The following NFYC variants were observed in gnomAD, a reference collection of about 807,000 sequenced individuals.
The protein encoded by NFYC is CAAT box DNA-binding protein subunit C.
Under a neutral mutation model 53.1 loss-of-function variants are expected in NFYC, and 25 were observed. That is an observed-to-expected ratio of 0.47 (90% confidence interval 0.34 to 0.66). NFYC has a LOEUF of 0.66. Ranked by LOEUF, NFYC falls within the 30% of genes least tolerant of loss-of-function variation. NFYC has a pLI of 0.01. For synonymous variants in NFYC, 145 were observed against 152.6 expected (o/e 0.95, Z 0.37); for missense variants, 260 against 422.7 (o/e 0.62, Z 3.38).
intron 1 of NFYC, among the ~76,000 whole-genome samples, chr1:40,701,259 G>A (rs1394917546): frequency 6.6e-6 from 1 of 152,046 alleles, no homozygotes; most frequent in Admixed American, 6.6e-5. Flanking sequence ...GGGATTACAG[G>A]TGCCTGCCAC....
chr1:40,712,658 C>CCTT (rs1643971274), intron 1 of NFYC: 1 of 71,026 alleles, frequency 1.4e-5, no homozygotes, highest in Non-Finnish European at 2.4e-5. Context: ...GGATTAATGC[C>CCTT]TTTTTTTTTT....
intron 1 of NFYC, among the ~76,000 whole-genome samples, chr1:40,707,106 G>A (rs1643729085): frequency 1.3e-5 from 2 of 151,692 alleles, no homozygotes; most frequent in African/African-American, 4.8e-5. Flanking sequence ...GGAGGCAGAG[G>A]TTGCTGCGAG....
intron 1 of NFYC, among the ~76,000 whole-genome samples, chr1:40,719,060 C>T (rs1366658101): frequency 6.6e-6 from 1 of 152,038 alleles, no homozygotes; most frequent in African/African-American, 2.4e-5. Context: ...TTAGTAGAGA[C>T]GGGGTTTCAC....
At position 40,706,036 on chromosome 1, in the gene NFYC, A is replaced by G. The variant is rs1026284044; in HGVS notation, c.-9+14169A>G. Among the ~76,000 whole-genome samples, 4 of 152,168 alleles carry G rather than the reference A, an allele frequency of 2.6e-5. No individual in the cohort carries two copies. In the East Asian group the frequency reaches 7.7e-4, roughly 29 times the overall value. ...GCTGGGATTACAGGTGTGAGCCAAC[A>G]CGCCTGGCCCAGATTTTTAATTTTT... On this transcript the variant is annotated intron_variant, in intron 1 of 9. Coordinates refer to ENST00000447388, the MANE Select transcript of NFYC (RefSeq NM_014223.5).
At chr1:40,699,217 GA>G (rs1643312121) in intron 1 of NFYC, among the ~76,000 whole-genome samples, 1 of 152,074 alleles carries the variant, frequency 6.6e-6, no homozygotes, top group African/African-American at 2.4e-5. Context: ...CATAGGAAAT[GA>G]TGTTAGAGTA....
At chr1:40,744,528 A>C (rs1472334553) in intron 2 of NFYC, among the ~76,000 whole-genome samples, 1 of 152,174 alleles carries the variant, frequency 6.6e-6, no homozygotes, top group Non-Finnish European at 1.5e-5. Flanking sequence ...AGATCTGTTG[A>C]CTTTTCTTTG....
At position 40,698,331 on chromosome 1, in the gene NFYC, C is replaced by T. The variant is rs530877506; in HGVS notation, c.-9+6464C>T. On this transcript the variant is annotated intron_variant, in intron 1 of 9. Coordinates refer to ENST00000447388, the MANE Select transcript of NFYC (RefSeq NM_014223.5). The stretch of plus-strand genomic sequence containing the variant: ...GAGCTGAGATCATGCCCCTGCACTC[C>T]AGCCTGGGTGACAGAACGGGATTCC... Among the ~76,000 whole-genome samples the T allele has an allele frequency of 4.6e-5, 7 of 151,208 alleles. No individual in the cohort carries two copies. In the South Asian group the frequency reaches 1.5e-3, roughly 32 times the overall value.
intron 8 of NFYC, chr1:40,769,152 G>C (rs990002838): frequency 1.9e-5 from 11 of 577,930 alleles, no homozygotes; most frequent in Non-Finnish European, 2.6e-5. Flanking sequence ...CAGGATTCTC[G>C]ATGTCACTTT....
chr1:40,756,630 C>T (rs1426941791), intron 5 of NFYC, among the ~76,000 whole-genome samples: 1 of 152,194 alleles, frequency 6.6e-6, no homozygotes, highest in Non-Finnish European at 1.5e-5. Context: ...CTTCCTCACA[C>T]TGTGGCCACA....
At chr1:40,747,985 G>A (rs1008692508) in intron 3 of NFYC, among the ~76,000 whole-genome samples, 5 of 151,906 alleles carry the variant, frequency 3.3e-5, no homozygotes, top group East Asian at 3.9e-4. Flanking sequence ...ACAGGCGCCC[G>A]CCACCACACC....
Position 40,766,566 on chromosome 1 carries a change from A to G in NFYC, c.721-30A>G, listed in dbSNP as rs1369849468. 5 of 1,535,126 alleles carry G rather than the reference A, an allele frequency of 3.3e-6. No homozygotes were observed. The South Asian group carries it at 3.5e-5, about 11-fold the overall frequency. On this transcript the variant is annotated intron_variant, in intron 7 of 9. Transcript: ENST00000447388. ...TGTTTGAGATTATACTCAATGTCTT[A>G]TGGTCTCTTTGTCTCTGCCCCTGCC...
chr1:40,769,286 T>C, intron 8 of NFYC, 70 bp from the exon 9 acceptor site: 1 of 1,497,516 alleles, frequency 6.7e-7, no homozygotes, highest in Admixed American at 1.7e-5. Flanking sequence ...TATGACCCTC[T>C]TTTGGGTGGT....
chr1:40,709,447 G>A (rs951281430), intron 1 of NFYC: 1 of 152,252 alleles, frequency 6.6e-6, no homozygotes, highest in Non-Finnish European at 1.5e-5. Flanking sequence ...TGGGGGGTGG[G>A]AGGACAGCTG....
chr1:40,751,578 T>TTTG (rs1018466245), intron 4 of NFYC, among the ~76,000 whole-genome samples: 4 of 151,936 alleles, frequency 2.6e-5, no homozygotes, highest in Non-Finnish European at 5.9e-5. Flanking sequence ...GCTTAAAATT[T>TTTG]TTGTTGTTGT....
At chr1:40,702,317 C>G (rs1429845748) in intron 1 of NFYC, among the ~76,000 whole-genome samples, 1 of 138,582 alleles carries the variant, frequency 7.2e-6, no homozygotes, top group African/African-American at 2.7e-5. Context: ...GTTTCTGGGC[C>G]TTTTTTGGGG....
chr1:40,759,579 GTGTGTGTGTATTATA>G (rs1646429864), intron 6 of NFYC, among the ~76,000 whole-genome samples: 1 of 124,212 alleles, frequency 8.1e-6, no homozygotes, highest in Non-Finnish European at 1.8e-5. Context: ...GTGTGTGTAT[GTGTGTGTGTATTATA>G]TATGTGTGTA....
intron 2 of NFYC, among the ~76,000 whole-genome samples, chr1:40,739,922 G>GT (rs1296552868): frequency 6.6e-6 from 1 of 152,194 alleles, no homozygotes; most frequent in African/African-American, 2.4e-5. Context: ...AGAGGACCTT[G>GT]TAGTTAGGGG....
rs768903978 is a variant in NFYC at position 40,753,160 on chromosome 1, A to G, written c.301A>G (p.Ile101Val). The G allele has an allele frequency of 6.2e-7, 1 of 1,611,872 alleles. No homozygotes were observed. Among genetic ancestry groups the G allele is most frequent in the East Asian group, 2.2e-5 (1 of 44,870 alleles). The change falls in exon 5 of 10, where the codon ATC becomes GTC. Residue 101 changes from isoleucine to valine, a missense_variant. Physicochemically the swap from Ile to Val is conservative, Grantham distance 29. Transcript: ENST00000447388. ...CTCTTCTTTGTTACAGAGAAATGAT[A>G]TCGCCATGGCAATTACAAAATTTGA... ...NKRRTLQRND[I>V]AMAITKFDQF... is the part of the protein sequence containing the mutation.
intron 1 of NFYC, among the ~76,000 whole-genome samples, chr1:40,710,834 G>C (rs1484568965): frequency 6.6e-6 from 1 of 152,162 alleles, no homozygotes; most frequent in African/African-American, 2.4e-5. Context: ...GTCGTTGCTT[G>C]CAAAAGTGAC....
Sources: gnomAD v4.1 joint callset for allele counts (sites outside exome capture counted in the v4.1 genomes callset) on GRCh38, gnomAD v4.1.1 for gene constraint, MANE v1.5 for transcripts, NCBI Gene and HGNC (gene_info 2026-07-23, HGNC 2026-07-21) for gene names.